Variants in WFS1 observed in about 807,000 individuals in gnomAD.
WFS1 encodes wolframin ER transmembrane glycoprotein.
WFS1 carries 90 observed loss-of-function variants against 68.5 expected under a neutral mutation model. The observed-to-expected ratio is 1.31, with a 90% CI of 1.11 to 1.56. WFS1 has a LOEUF of 1.56. Among genes scored for constraint, WFS1 ranks in the 40% most tolerant of loss-of-function variants. The pLI, the probability that WFS1 is intolerant of heterozygous loss-of-function variation, is 0.00. For missense variants in WFS1, 1,767 were observed against 1,232.6 expected (o/e 1.43, Z -6.49); for synonymous variants, 860 against 540.7 (o/e 1.59, Z -8.19).
Position 6,301,768 on chromosome 4 carries a change from A to C in WFS1, c.1973A>C (p.Lys658Thr). The change falls in exon 8 of 8, where the codon AAG becomes ACG. Residue 658 changes from lysine to threonine, a missense_variant. Transcript: ENST00000226760. ...TATGTGTACCGCTCAGAGGGCATGA[A>C]GGTCTACAACTCCACACTGACCTGG... Reference protein sequence around the residue: ...WFYVYRSEGMKVYNSTLTWQQ... With the variant: ...WFYVYRSEGMTVYNSTLTWQQ... 1 of 1,613,682 alleles carries C rather than the reference A, an allele frequency of 6.2e-7. No individual in the cohort carries two copies. Among genetic ancestry groups the C allele is most frequent in the Admixed American group, 1.7e-5 (1 of 60,026 alleles).
chr4:6,289,164 G>A (rs902075462), intron 4 of WFS1, 33 bp downstream of exon 4: 2 of 1,554,252 alleles, frequency 1.3e-6, no homozygotes, highest in Admixed American at 1.9e-5. Flanking sequence ...ACAGCCTCTG[G>A]AGGGTTGAGC....
chr4:6,295,597 T>G (rs1730616317), intron 7 of WFS1, among the ~76,000 whole-genome samples: 1 of 152,142 alleles, frequency 6.6e-6, no homozygotes, highest in Admixed American at 6.5e-5. Flanking sequence ...GAAAACAAAG[T>G]GCCGTGTCCG....
intron 6 of WFS1, 90 bp from the exon 7 acceptor site, chr4:6,294,951 C>T: frequency 4.4e-6 from 7 of 1,602,436 alleles, no homozygotes; most frequent in Admixed American, 3.3e-5. Flanking sequence ...AGCTTGGCCC[C>T]ACGCCACCGT....
chr4:6,272,124 C>T (rs1729860921), intron 1 of WFS1, among the ~76,000 whole-genome samples: 1 of 152,242 alleles, frequency 6.6e-6, no homozygotes, highest in African/African-American at 2.4e-5. Context: ...GAGTGAGGGC[C>T]CCCTTCTGTG....
intron 1 of WFS1, among the ~76,000 whole-genome samples, chr4:6,273,853 C>T (rs1729905704): frequency 6.6e-6 from 1 of 152,218 alleles, no homozygotes; most frequent in African/African-American, 2.4e-5. Context: ...AAAATTAATC[C>T]TCCTGTATTC....
chr4:6,292,670 T>C (rs1730499243), intron 6 of WFS1, among the ~76,000 whole-genome samples: 1 of 152,046 alleles, frequency 6.6e-6, no homozygotes, highest in Non-Finnish European at 1.5e-5. Flanking sequence ...CTGGAGAAGA[T>C]AGACAGGCAG....
In WFS1 at chr4:6,277,679, A is replaced by C; in HGVS notation, c.224A>C (p.Asp75Ala). ...CATACCAGGAGCCGGGAAAGAGCAGACGGCACCGGTAAGGGAGCAGGCTGG... is the reference window on the plus strand; with the variant it reads ...CATACCAGGAGCCGGGAAAGAGCAGCCGGCACCGGTAAGGGAGCAGGCTGG... Reference protein sequence around the residue: ...AQHTRSRERADGTGPTKGDME... With the variant: ...AQHTRSRERAAGTGPTKGDME... The change falls in exon 2 of 8, where the codon GAC becomes GCC. Residue 75 changes from aspartate to alanine, a missense_variant. Coordinates refer to ENST00000226760, the MANE Select transcript of WFS1 (RefSeq NM_006005.3). 1 of 1,560,164 alleles carries C rather than the reference A, an allele frequency of 6.4e-7. No homozygotes were observed. Among genetic ancestry groups the C allele is most frequent in the South Asian group, 1.2e-5 (1 of 84,746 alleles).
rs374741678 is a variant in WFS1 at position 6,271,849 on chromosome 4, C to T, written c.-6+1835C>T. Among the ~76,000 whole-genome samples the T allele has an allele frequency of 5.3e-5, 8 of 152,200 alleles. No homozygotes were observed. The East Asian group carries it at 1.4e-3, about 26-fold the overall frequency. On this transcript the variant is annotated intron_variant, in intron 1 of 7. Transcript: ENST00000226760. The stretch of plus-strand genomic sequence containing the variant: ...CAGGTCCGCCTCCCGAGCCAGGAGC[C>T]GGCATTCTTTCGGGCCCTCAGGGAC...
chr4:6,279,796 G>A (rs1427869560), intron 2 of WFS1, among the ~76,000 whole-genome samples: 1 of 152,236 alleles, frequency 6.6e-6, no homozygotes, highest in African/African-American at 2.4e-5. Flanking sequence ...CATCGTCGGA[G>A]CCCCATCTGA....
At chr4:6,278,837 C>G (rs1191240894) in intron 2 of WFS1, among the ~76,000 whole-genome samples, 1 of 152,234 alleles carries the variant, frequency 6.6e-6, no homozygotes, top group African/African-American at 2.4e-5. Context: ...GGGCCTGACC[C>G]CGGGATTTGG....
chr4:6,296,512 T>G (rs1439834853), intron 7 of WFS1, among the ~76,000 whole-genome samples: 1 of 152,216 alleles, frequency 6.6e-6, no homozygotes, highest in African/African-American at 2.4e-5. Flanking sequence ...GATGGTCTGC[T>G]CAGAGCTGGC....
rs939434400 is a variant in WFS1 at position 6,289,223 on chromosome 4, T to G, written c.460+92T>G. The G allele has an allele frequency of 3.9e-5, 57 of 1,461,736 alleles. No homozygotes were observed. The African/African-American group carries it at 5.9e-4, about 15-fold the overall frequency. The allele number at this position is 1,461,736 out of a possible 1,614,324, so 90.5% of individuals were successfully genotyped here. A position where few individuals can be genotyped will look rare whatever the true frequency, so the allele number is the denominator to read the frequency against. ...TGAACAACTAAAATCTTACCAAACC[T>G]AACGCTGGTGATGCTGTTGGGAAAT... On this transcript the variant is annotated intron_variant, in intron 4 of 7. Transcript: ENST00000226760.
intron 1 of WFS1, among the ~76,000 whole-genome samples, chr4:6,274,151 A>C (rs1729917912): frequency 6.6e-6 from 1 of 150,402 alleles, no homozygotes; most frequent in Admixed American, 6.6e-5. Context: ...GGTTCACACC[A>C]TTCTCCTGCC....
At position 6,300,057 on chromosome 4, in the gene WFS1, G is replaced by A. The variant is rs568419352; in HGVS notation, c.862-600G>A. ...GGAGGGCAGCTCACCCGGCAGCCCCGTGCAGCTGAACGGTATTTTTGCTGG... is the reference window on the plus strand; with the variant it reads ...GGAGGGCAGCTCACCCGGCAGCCCCATGCAGCTGAACGGTATTTTTGCTGG... On this transcript the variant is annotated intron_variant, in intron 7 of 7. Coordinates refer to ENST00000226760, the MANE Select transcript of WFS1 (RefSeq NM_006005.3). Among the ~76,000 whole-genome samples, 18 of 152,170 alleles carry A rather than the reference G, an allele frequency of 1.2e-4. No homozygotes were observed. The East Asian group carries it at 3.1e-3, about 26-fold the overall frequency.
Position 6,302,243 on chromosome 4 carries a change from C to G in WFS1, c.2448C>G (p.Ser816Arg), listed in dbSNP as rs1388990335. 1 of 1,605,910 alleles carries G rather than the reference C, an allele frequency of 6.2e-7. No individual in the cohort carries two copies. Among genetic ancestry groups the G allele is most frequent in the Non-Finnish European group, 8.5e-7 (1 of 1,174,912 alleles). The part of the protein sequence containing the change: ...ASSEFKSVLL[S>R]LRQGSLIEFS... Reference sequence around the variant, plus strand: ...GCGAGTTCAAGAGCGTGCTGCTCAGCCTGCGCCAGGGCAGCCTCATCGAGT... The same window carrying G: ...GCGAGTTCAAGAGCGTGCTGCTCAGGCTGCGCCAGGGCAGCCTCATCGAGT... The change falls in exon 8 of 8, where the codon AGC (serine) becomes AGG (arginine). Residue 816 changes from serine (S) to arginine (R), a missense_variant. By Grantham distance (110) the Ser-to-Arg change is moderately radical. Transcript: ENST00000226760.
At chr4:6,291,035 T>G (rs1014817361) in intron 4 of WFS1, among the ~76,000 whole-genome samples, 162 bp from the exon 5 acceptor site, 1 of 59,116 alleles carries the variant, frequency 1.7e-5, no homozygotes, top group African/African-American at 7.0e-5. Flanking sequence ...TGGCGCGATG[T>G]CCTCTTGAGT....
intron 5 of WFS1, 145 bp downstream of exon 5, chr4:6,291,512 C>A: frequency 9.1e-7 from 1 of 1,099,266 alleles, no homozygotes; most frequent in Non-Finnish European, 1.3e-6. Flanking sequence ...GGACAGGGCC[C>A]TTCCTTGTGG....
rs1249481992 is a variant in WFS1, at chr4:6,277,638, T to G, written c.183T>G (p.Ala61=). 1 of 1,568,652 alleles carries G rather than the reference T, an allele frequency of 6.4e-7. No homozygotes were observed. ...GTGTTAGAGACGCAGCGGCCCCCGC[T>G]GAACCCCAGGCCCAGCATACCAGGA... ...GPGVRDAAAP[A]EPQAQHTRSR... Residue 61 remains alanine (A), a synonymous_variant, in exon 2 of 8, where the codon GCT becomes GCG. Coordinates refer to ENST00000226760, the MANE Select transcript of WFS1 (RefSeq NM_006005.3).
In WFS1 at chr4:6,300,896, C is replaced by T. The variant is rs1730863072; in HGVS notation, c.1101C>T (p.Asp367=). ...MVICTLKVFQ[D]SKAWENFRTL... ...TCTGCACCCTCAAGGTGTTCCAGGA[C>T]AGCAAGGCCTGGGAGAACTTCCGCA... Residue 367 remains aspartate, a synonymous_variant, in exon 8 of 8, where the codon GAC becomes GAT. Transcript: ENST00000226760. 2.5e-6 allele frequency: 4 copies of T among 1,614,202 alleles called. No homozygotes were observed. Among genetic ancestry groups the T allele is most frequent in the Non-Finnish European group, 2.5e-6 (3 of 1,180,036 alleles).
Sources: gnomAD v4.1 joint callset for allele counts (sites outside exome capture counted in the v4.1 genomes callset) on GRCh38, gnomAD v4.1.1 for gene constraint, MANE v1.5 for transcripts, NCBI Gene and HGNC (gene_info 2026-07-23, HGNC 2026-07-21) for gene names.